The following PARK7 variants were observed in gnomAD, a reference collection of about 807,000 sequenced individuals.
PARK7 encodes the protein Parkinsonism associated deglycase, also known as Parkinson disease protein 7.
A neutral mutation model predicts 20.5 loss-of-function variants in PARK7; 14 were observed. The observed-to-expected ratio is 0.68, with a 90% CI of 0.45 to 1.07. The LOEUF is 1.07. Among genes scored for constraint, PARK7 ranks in the 50% least tolerant of loss-of-function variants. The pLI, the probability that PARK7 is intolerant of heterozygous loss-of-function variation, is 0.00. For missense variants in PARK7, 234 were observed against 238.1 expected (o/e 0.98, Z 0.11); for synonymous variants, 98 against 84.3 (o/e 1.16, Z -0.89).
intron 6 of PARK7, among the ~76,000 whole-genome samples, chr1:7,981,103 G>T (rs1037087464): frequency 6.6e-6 from 1 of 152,074 alleles, no homozygotes; most frequent in African/African-American, 2.4e-5. Context: ...GATGGCATCC[G>T]CATGCCTGGT....
chr1:7,983,858 G>A (rs1325529604), intron 6 of PARK7, among the ~76,000 whole-genome samples: 2 of 152,218 alleles, frequency 1.3e-5, no homozygotes, highest in Admixed American at 6.5e-5. Flanking sequence ...GGTGCCTCCT[G>A]TGTGCCATGG....
At chr1:7,964,128 A>G (rs1451727791) in intron 2 of PARK7, among the ~76,000 whole-genome samples, 1 of 152,164 alleles carries the variant, frequency 6.6e-6, no homozygotes, top group African/African-American at 2.4e-5. Context: ...CATGTCTTTA[A>G]GGTAGCATTT....
chr1:7,979,675 A>G (rs1640669692), intron 6 of PARK7, among the ~76,000 whole-genome samples: 1 of 151,930 alleles, frequency 6.6e-6, no homozygotes, highest in South Asian at 2.1e-4. Context: ...TAATTTTTAA[A>G]TTTTTTTGTA....
At chr1:7,966,066 G>A (rs956510427) in intron 3 of PARK7, among the ~76,000 whole-genome samples, 6 of 152,104 alleles carry the variant, frequency 3.9e-5, no homozygotes, top group Non-Finnish European at 8.8e-5. Flanking sequence ...AAGGACGATG[G>A]ACACTTTTGG....
intron 5 of PARK7, among the ~76,000 whole-genome samples, chr1:7,976,594 C>A (rs529313648): frequency 4.2e-4 from 64 of 152,342 alleles, no homozygotes; most frequent in Non-Finnish European, 7.1e-4. Flanking sequence ...GCCTTTATAT[C>A]TCACACTTCC....
intron 5 of PARK7, among the ~76,000 whole-genome samples, chr1:7,974,370 C>T (rs888446289): frequency 2.6e-5 from 4 of 152,022 alleles, no homozygotes; most frequent in African/African-American, 9.7e-5. Flanking sequence ...TGGCTCACAC[C>T]TGTAATCCCA....
chr1:7,972,442 A>C (rs1471339709), intron 5 of PARK7, among the ~76,000 whole-genome samples: 1 of 152,196 alleles, frequency 6.6e-6, no homozygotes, highest in Non-Finnish European at 1.5e-5. Context: ...CCTGGGCAGC[A>C]GAGTGACACC....
intron 5 of PARK7, among the ~76,000 whole-genome samples, chr1:7,974,318 T>C (rs1640527921): frequency 6.6e-6 from 1 of 151,514 alleles, no homozygotes; most frequent in Non-Finnish European, 1.5e-5. Context: ...AGAGCAAGAC[T>C]TGGTCTCTTA....
At position 7,962,593 on chromosome 1, in the gene PARK7, C is replaced by G. The variant is rs140999908; in HGVS notation, c.-23-170C>G. ...GAGCAATTAAAACTGCTATACAAAT[C>G]AACGTTAAGATAACTAAACTGCTGC... On this transcript the variant is annotated intron_variant, in intron 1 of 6. Transcript: ENST00000338639. Among the ~76,000 whole-genome samples, 907 of 152,268 alleles carry G rather than the reference C, an allele frequency of 6.0e-3. 1 individual carries two copies. Among genetic ancestry groups the G allele is most frequent in the Non-Finnish European group, 1.0e-2 (680 of 68,026 alleles).
At chr1:7,962,671 C>T (rs1640233082) in intron 1 of PARK7, 92 bp from the exon 2 acceptor site, 1 of 770,876 alleles carries the variant, frequency 1.3e-6, no homozygotes, top group Middle Eastern at 3.7e-4. Context: ...AGTACTTACT[C>T]TGCTTGAAAA....
Position 7,985,303 on chromosome 1 carries a change from C to T in PARK7, c.*249C>T. On this transcript the variant is annotated 3_prime_UTR_variant, in exon 7 of 7. Transcript: ENST00000338639. ...AACTACTGATTGTTTCTTGTTTTGT[C>T]TCTCATTTCTTTTGTGAAATTAAAT... The T allele has an allele frequency of 2.0e-6, 1 of 504,596 alleles. No individual in the cohort carries two copies. Among genetic ancestry groups the T allele is most frequent in the Non-Finnish European group, 3.6e-6 (1 of 279,352 alleles). 31.3% of individuals were successfully genotyped at this position (504,596 alleles called of 1,614,324 possible).
chr1:7,969,453 A>AAG, intron 4 of PARK7, 49 bp downstream of exon 4: 1 of 1,253,820 alleles, frequency 8.0e-7, no homozygotes, highest in Admixed American at 1.7e-5. Context: ...GGGGGGGGAA[A>AAG]AACTAAAGAA....
chr1:7,981,965 C>CT (rs71567337), intron 6 of PARK7, among the ~76,000 whole-genome samples: 4,737 of 84,372 alleles, frequency 0.056, 1,470 homozygotes, highest in Non-Finnish European at 0.075. Flanking sequence ...GCCCCCCCGC[C>CT]TTTTTTTTTT....
In PARK7 at chr1:7,969,417, A is replaced by G; in HGVS notation, c.252+13A>G. ...GAATTTATCTGAGGTAAAAAATTCT[A>G]CTCAATTATACCTCAATAAAGCTGG... On this transcript the variant is annotated intron_variant, in intron 4 of 6. Transcript: ENST00000338639. 7.1e-7 allele frequency: 1 copy of G among 1,399,094 alleles called. No homozygotes were observed. The highest frequency in any genetic ancestry group is 9.9e-7 in the Non-Finnish European group (1 of 1,009,726). 86.7% of individuals were successfully genotyped at this position (1,399,094 alleles called of 1,614,324 possible).
chr1:7,977,807 T>A, intron 6 of PARK7, 69 bp downstream of exon 6: 1 of 1,344,810 alleles, frequency 7.4e-7, no homozygotes, highest in South Asian at 1.2e-5. Flanking sequence ...TCGCCCAGGC[T>A]GGAGTGCAGT....
At chr1:7,970,810 T>G in intron 4 of PARK7, 84 bp from the exon 5 acceptor site, 1 of 1,359,876 alleles carries the variant, frequency 7.4e-7, no homozygotes, top group Non-Finnish European at 1.0e-6. Context: ...TAAACTAAAA[T>G]TAAATTCTTC....
Position 7,970,863 on chromosome 1 carries a change from C to T in PARK7, c.253-31C>T, listed in dbSNP as rs7534132. 15,050 of 1,611,300 alleles carry T rather than the reference C, an allele frequency of 9.3e-3. 1,127 individuals carry two copies. The African/African-American group carries it at 0.17, about 18-fold the overall frequency. On this transcript the variant is annotated intron_variant, in intron 4 of 6. Coordinates refer to ENST00000338639, the MANE Select transcript of PARK7 (RefSeq NM_007262.5). ...TGATTGGTTAGTGGCTTAATGATAA[C>T]TTTATGTATTTTTGGTTTTCTTTTC...
At position 7,971,240 on chromosome 1, in the gene PARK7, G is replaced by A. The variant is rs534623362; in HGVS notation, c.322+277G>A. On this transcript the variant is annotated intron_variant, in intron 5 of 6. Transcript: ENST00000338639. ...GGAAAATAAGGCCCTCTGGAATTCA[G>A]TAAACAGCTTGTTACAGCAAGTCTC... The A allele has an allele frequency of 1.6e-4, 78 of 479,932 alleles. No individual in the cohort carries two copies. In the East Asian group the frequency reaches 3.0e-3, roughly 19 times the overall value. 29.7% of individuals were successfully genotyped at this position (479,932 alleles called of 1,614,324 possible).
At chr1:7,973,575 G>A (rs766906342) in intron 5 of PARK7, among the ~76,000 whole-genome samples, 24 of 152,064 alleles carry the variant, frequency 1.6e-4, no homozygotes, top group Non-Finnish European at 2.5e-4. Flanking sequence ...TTAGCCAGGC[G>A]TGGTGGCGCG....
Sources: gnomAD v4.1 joint callset for allele counts (sites outside exome capture counted in the v4.1 genomes callset) on GRCh38, gnomAD v4.1.1 for gene constraint, MANE v1.5 for transcripts, NCBI Gene and HGNC (gene_info 2026-07-23, HGNC 2026-07-21) for gene names.